Variants in MAEA observed in about 807,000 individuals in gnomAD.
MAEA encodes the protein E3 ubiquitin-protein transferase MAEA.
In MAEA, 22 loss-of-function variants were observed where a neutral mutation model predicts 46.2. The observed-to-expected ratio is 0.48, with a 90% CI of 0.34 to 0.68. The LOEUF is 0.68. MAEA is among the 30% of genes least tolerant of loss of function. The probability of loss-of-function intolerance (pLI) is 0.01; values close to 1 mark genes in which losing one functional copy is unlikely to be tolerated. For synonymous variants in MAEA, 246 were observed against 222.6 expected, an observed-to-expected ratio of 1.11 and a Z score of -0.94; for missense variants, 393 against 558.1, an observed-to-expected ratio of 0.70 and a Z score of 2.98.
chr4:1,301,341 C>CAATCAGG, intron 1 of MAEA, among the ~76,000 whole-genome samples: 1 of 152,226 alleles, frequency 6.6e-6, no homozygotes, highest in South Asian at 2.1e-4. Flanking sequence ...GTTTCAGTGA[C>CAATCAGG]GAAATCAGGG....
At chr4:1,309,762 C>A in intron 1 of MAEA, 1 of 1,484,254 alleles carries the variant, frequency 6.7e-7, no homozygotes, top group Admixed American at 2.1e-5. Flanking sequence ...GTAACCGTGG[C>A]GCGTTCTGGG....
chr4:1,306,039 C>T (rs904943460), intron 1 of MAEA, among the ~76,000 whole-genome samples: 11 of 152,348 alleles, frequency 7.2e-5, no homozygotes, highest in African/African-American at 2.6e-4. Flanking sequence ...CTTGCCTTTC[C>T]CTTCAGGTCC....
At chr4:1,292,467 G>A (rs1186899804) in intron 1 of MAEA, among the ~76,000 whole-genome samples, 5 of 152,094 alleles carry the variant, frequency 3.3e-5, no homozygotes, top group Non-Finnish European at 5.9e-5. Context: ...CAGCCAACAC[G>A]CACTGACCTT....
chr4:1,292,446 G>T (rs917311386), intron 1 of MAEA, among the ~76,000 whole-genome samples: 3 of 152,126 alleles, frequency 2.0e-5, no homozygotes, highest in African/African-American at 7.2e-5. Context: ...TGGAACAGAC[G>T]TGAATTGCTG....
chr4:1,317,569 C>T (rs1737454173), intron 3 of MAEA, among the ~76,000 whole-genome samples: 1 of 152,062 alleles, frequency 6.6e-6, no homozygotes. Flanking sequence ...GGTGTCCGTC[C>T]TGCCCTCCAG....
intron 5 of MAEA, chr4:1,331,174 C>T (rs554033564): frequency 6.0e-5 from 9 of 150,842 alleles, no homozygotes; most frequent in African/African-American, 2.2e-4. Context: ...CCACACGCTC[C>T]AAGGAGGGGG....
At position 1,289,952 on chromosome 4, in the gene MAEA, C is replaced by T. The variant is rs770583175; in HGVS notation, c.39C>T (p.Thr13=). The change falls in exon 1 of 9, where the codon ACC becomes ACT. Residue 13 remains threonine, a synonymous_variant. Transcript: ENST00000303400. ...VQESAAQLSM[T]LKVQEYPTLK... ...AGTCGGCGGCTCAGTTGTCCATGAC[C>T]CTGAAGGTCCAGGAGTACCCGACCC... The T allele has an allele frequency of 5.6e-6, 9 of 1,601,510 alleles. No homozygotes were observed. Among genetic ancestry groups the T allele is most frequent in the Non-Finnish European group, 7.7e-6 (9 of 1,173,896 alleles).
At chr4:1,306,895 C>T (rs1483506424) in intron 1 of MAEA, among the ~76,000 whole-genome samples, 2 of 152,128 alleles carry the variant, frequency 1.3e-5, no homozygotes, top group Non-Finnish European at 2.9e-5. Context: ...GGTTGAGGGC[C>T]ATCCCTTCCC....
At chr4:1,329,104 G>C in intron 5 of MAEA, 1 of 985,562 alleles carries the variant, frequency 1.0e-6, no homozygotes, top group Non-Finnish European at 1.2e-6. Context: ...GTCAGCCCTG[G>C]AGTCTGAAAA....
intron 1 of MAEA, among the ~76,000 whole-genome samples, chr4:1,304,392 C>A (rs879928305): frequency 6.6e-6 from 1 of 152,016 alleles, no homozygotes; most frequent in Non-Finnish European, 1.5e-5. Flanking sequence ...CCTTAGCCTC[C>A]CAAAGCACGG....
chr4:1,310,827 G>T (rs1192857256), intron 1 of MAEA, among the ~76,000 whole-genome samples: 2 of 152,160 alleles, frequency 1.3e-5, no homozygotes, highest in East Asian at 3.9e-4. Context: ...CCCTGCTTTC[G>T]GGGGGAAAGT....
At chr4:1,321,173 G>A (rs1738037318) in intron 3 of MAEA, among the ~76,000 whole-genome samples, 1 of 151,884 alleles carries the variant, frequency 6.6e-6, no homozygotes, top group South Asian at 2.1e-4. Context: ...CAACATGCAA[G>A]AAAACGCTAT....
chr4:1,299,756 C>G (rs1032651761), intron 1 of MAEA: 1 of 152,338 alleles, frequency 6.6e-6, no homozygotes, highest in Non-Finnish European at 1.5e-5. Flanking sequence ...GGTCCCATGT[C>G]CTCACCTCCT....
chr4:1,312,296 C>T (rs1040375420), intron 2 of MAEA, 135 bp downstream of exon 2: 36 of 966,500 alleles, frequency 3.7e-5, no homozygotes, highest in Non-Finnish European at 4.9e-5. Flanking sequence ...TCCCTGCTGT[C>T]TGCCTTCTGG....
At chr4:1,309,113 C>T (rs1192485537) in intron 1 of MAEA, among the ~76,000 whole-genome samples, 1 of 152,160 alleles carries the variant, frequency 6.6e-6, no homozygotes, top group Non-Finnish European at 1.5e-5. Context: ...TTGTGTCTTA[C>T]ATTGTCTTTG....
At chr4:1,309,898 G>A (rs574526389) in intron 1 of MAEA, 2 of 1,290,492 alleles carry the variant, frequency 1.5e-6, no homozygotes, top group African/African-American at 3.0e-5. Flanking sequence ...GCAGGGGTTG[G>A]AAAGTCCAGA....
At chr4:1,338,746 C>T (rs1291435908) in intron 8 of MAEA, 129 bp downstream of exon 8, 8 of 638,682 alleles carry the variant, frequency 1.3e-5, no homozygotes, top group Non-Finnish European at 1.9e-5. Context: ...GTGGGACGGG[C>T]AGGGCGGGGG....
chr4:1,302,646 AT>A (rs1426306961), intron 1 of MAEA, among the ~76,000 whole-genome samples: 1 of 151,958 alleles, frequency 6.6e-6, no homozygotes, highest in East Asian at 1.9e-4. Flanking sequence ...TGCCCGGCTA[AT>A]TTTTTTGTAT....
At chr4:1,325,692 C>T (rs1445426343) in intron 4 of MAEA, among the ~76,000 whole-genome samples, 2 of 151,448 alleles carry the variant, frequency 1.3e-5, no homozygotes, top group African/African-American at 4.9e-5. Context: ...TGGTGGGGAG[C>T]CTCTATCTCT....
Sources: allele counts gnomAD v4.1 joint callset (sites outside exome capture counted in the v4.1 genomes callset), GRCh38; gene constraint gnomAD v4.1.1; transcripts MANE v1.5; gene names NCBI Gene and HGNC (gene_info 2026-07-23, HGNC 2026-07-21).